The following DNAJC5B variants were observed in gnomAD, a reference collection of about 807,000 sequenced individuals.
DNAJC5B encodes DnaJ heat shock protein family (Hsp40) member C5 beta, also known as dnaJ homolog subfamily C member 5B.
In DNAJC5B, 23 loss-of-function variants were observed where a neutral mutation model predicts 24.7. That is an observed-to-expected ratio of 0.93 (90% CI 0.67 to 1.32). The LOEUF (loss-of-function observed/expected upper bound fraction) is 1.32, where lower values mean the gene tolerates loss of function less well. Among genes scored for constraint, DNAJC5B ranks in the 40% most tolerant of loss-of-function variants. The pLI, the probability that DNAJC5B is intolerant of heterozygous loss-of-function variation, is 0.00. For missense variants in DNAJC5B, 238 were observed against 240.8 expected (o/e 0.99, Z 0.08); for synonymous variants, 101 against 90.1 (o/e 1.12, Z -0.68).
intron 1 of DNAJC5B, among the ~76,000 whole-genome samples, chr8:66,038,313 C>T (rs1806533048): frequency 6.6e-6 from 1 of 152,144 alleles, no homozygotes; most frequent in African/African-American, 2.4e-5. Flanking sequence ...TAGGTGGTGT[C>T]ATTAATCTCA....
At chr8:66,048,314 T>C (rs10095225) in intron 2 of DNAJC5B, among the ~76,000 whole-genome samples, 152,210 of 152,302 alleles carry the variant, frequency 1, 76,059 homozygotes, top group Middle Eastern at 1. Flanking sequence ...GGCCTGGGGT[T>C]GGGGGAAAGG....
intron 3 of DNAJC5B, among the ~76,000 whole-genome samples, chr8:66,059,780 G>C (rs1001427763): frequency 2.3e-4 from 35 of 152,204 alleles, no homozygotes; most frequent in Admixed American, 2.3e-3. Context: ...GCCATTTGCT[G>C]TGTGGGCATG....
At chr8:66,091,160 A>T (rs1807838646) in intron 5 of DNAJC5B, among the ~76,000 whole-genome samples, 1 of 152,212 alleles carries the variant, frequency 6.6e-6, no homozygotes, top group Non-Finnish European at 1.5e-5. Flanking sequence ...GCCAGGGGCT[A>T]GAGGAAATGA....
At chr8:66,058,996 C>T (rs1807025727) in intron 3 of DNAJC5B, among the ~76,000 whole-genome samples, 1 of 152,154 alleles carries the variant, frequency 6.6e-6, no homozygotes, top group Non-Finnish European at 1.5e-5. Context: ...TAAAATTATC[C>T]TGCCCTTTGG....
intron 3 of DNAJC5B, among the ~76,000 whole-genome samples, chr8:66,065,642 G>A (rs921681690): frequency 1.3e-5 from 2 of 152,216 alleles, no homozygotes; most frequent in African/African-American, 4.8e-5. Context: ...GTAGGGGGCT[G>A]TAGGGTTGAA....
Position 66,100,570 on chromosome 8 carries a change from G to T in DNAJC5B, c.*539G>T, listed in dbSNP as rs1808054014. The T allele has an allele frequency of 6.6e-6, 1 of 151,942 alleles. No individual in the cohort carries two copies. The highest frequency in any genetic ancestry group is 6.6e-5 in the Admixed American group (1 of 15,250). The allele number at this position is 151,942 out of a possible 1,614,324, so 9.4% of individuals were successfully genotyped here. ...ATCACATTTTTAAGGTATATTTTTGGAACATTAAAAATTGGCATTTACTGA... is the reference window on the plus strand; with the variant it reads ...ATCACATTTTTAAGGTATATTTTTGTAACATTAAAAATTGGCATTTACTGA... On this transcript the variant is annotated 3_prime_UTR_variant, in exon 6 of 6. Coordinates refer to ENST00000276570, the MANE Select transcript of DNAJC5B (RefSeq NM_033105.6).
chr8:66,073,227 T>C (rs376720328), intron 3 of DNAJC5B, among the ~76,000 whole-genome samples: 1 of 151,822 alleles, frequency 6.6e-6, no homozygotes, highest in African/African-American at 2.4e-5. Flanking sequence ...AACATAAAAA[T>C]AGAAAAAAAT....
chr8:66,031,475 G>T (rs1410473609), intron 1 of DNAJC5B, among the ~76,000 whole-genome samples: 1 of 152,242 alleles, frequency 6.6e-6, no homozygotes, highest in South Asian at 2.1e-4. Flanking sequence ...AGCACCTACT[G>T]TATTAGTCAG....
chr8:66,072,831 C>T (rs1807378683), intron 3 of DNAJC5B, among the ~76,000 whole-genome samples: 1 of 152,102 alleles, frequency 6.6e-6, no homozygotes. Context: ...CTGAGTTTAT[C>T]CCAGAAACAT....
intron 1 of DNAJC5B, among the ~76,000 whole-genome samples, chr8:66,039,145 GC>G (rs1268861043): frequency 6.6e-6 from 1 of 152,108 alleles, no homozygotes; most frequent in Non-Finnish European, 1.5e-5. Flanking sequence ...AGGGAATATA[GC>G]AGGCAGCAGT....
At position 66,063,332 on chromosome 8, in the gene DNAJC5B, T is replaced by C. The variant is rs1315729793; in HGVS notation, c.119+11666T>C. On this transcript the variant is annotated intron_variant, in intron 3 of 5. Coordinates refer to ENST00000276570, the MANE Select transcript of DNAJC5B (RefSeq NM_033105.6). ...CCCCAATCTGTGGTGCTTTTACCCA[T>C]CTTTATTAGCAATTACAGGTGAAAA... Among the ~76,000 whole-genome samples the C allele has an allele frequency of 2.6e-5, 4 of 152,212 alleles. No individual in the cohort carries two copies. The East Asian group carries it at 7.7e-4, about 29-fold the overall frequency.
At chr8:66,058,117 T>C (rs1344730627) in intron 3 of DNAJC5B, 3 of 152,240 alleles carry the variant, frequency 2.0e-5, no homozygotes, top group East Asian at 1.9e-4. Flanking sequence ...CTTAACAGTA[T>C]ATCTTAAAGA....
intron 3 of DNAJC5B, among the ~76,000 whole-genome samples, chr8:66,053,523 C>A (rs1039700683): frequency 6.6e-6 from 1 of 152,070 alleles, no homozygotes; most frequent in Non-Finnish European, 1.5e-5. Context: ...CATAATCCTA[C>A]CTCCAGTAAT....
At chr8:66,055,105 G>C (rs573007770) in intron 3 of DNAJC5B, among the ~76,000 whole-genome samples, 1 of 152,240 alleles carries the variant, frequency 6.6e-6, no homozygotes, top group South Asian at 2.1e-4. Flanking sequence ...ATGCTGAGTT[G>C]TTTGCAAGTT....
intron 3 of DNAJC5B, among the ~76,000 whole-genome samples, chr8:66,067,781 T>C (rs901108168): frequency 6.6e-6 from 1 of 152,174 alleles, no homozygotes; most frequent in African/African-American, 2.4e-5. Context: ...TGTGAAGCCA[T>C]CTTGGGAGCA....
In DNAJC5B at chr8:66,100,118, T is replaced by TTCACA; in HGVS notation, c.*87_*88insTCACA. On this transcript the variant is annotated 3_prime_UTR_variant, in exon 6 of 6. Coordinates refer to ENST00000276570, the MANE Select transcript of DNAJC5B (RefSeq NM_033105.6). ...GTAGGGGAGCGTGTGGGGCATAAAG[T>TTCACA]GCTGTGAACTTTTCCATCTTGTTGT... is the stretch of plus-strand genomic sequence containing the variant. 2 of 1,100,232 alleles carry TTCACA rather than the reference T, an allele frequency of 1.8e-6. No individual in the cohort carries two copies. The highest frequency in any genetic ancestry group is 2.6e-6 in the Non-Finnish European group (2 of 780,492). The allele number at this position is 1,100,232 out of a possible 1,614,324, so 68.2% of individuals were successfully genotyped here. A position where few individuals can be genotyped will look rare whatever the true frequency, so the allele number is the denominator to read the frequency against.
chr8:66,045,664 A>G (rs1475217951), intron 2 of DNAJC5B, among the ~76,000 whole-genome samples: 1 of 152,096 alleles, frequency 6.6e-6, no homozygotes, highest in Non-Finnish European at 1.5e-5. Context: ...GTTCTCTGGA[A>G]GGGGCTGGGA....
chr8:66,031,712 G>T (rs1806364436), intron 1 of DNAJC5B, among the ~76,000 whole-genome samples: 1 of 152,186 alleles, frequency 6.6e-6, no homozygotes, highest in Non-Finnish European at 1.5e-5. Flanking sequence ...AGTAAGGCAG[G>T]AGGGTCAATC....
At chr8:66,015,829 G>A in the DNAJC5B span, among the ~76,000 whole-genome samples, 1 of 152,134 alleles carries the variant, frequency 6.6e-6, no homozygotes, top group Non-Finnish European at 1.5e-5. Flanking sequence ...GAGGAGATGA[G>A]GCTCACCACT....
Sources: gnomAD v4.1 joint callset for allele counts (sites outside exome capture counted in the v4.1 genomes callset) on GRCh38, gnomAD v4.1.1 for gene constraint, MANE v1.5 for transcripts, NCBI Gene and HGNC (gene_info 2026-07-23, HGNC 2026-07-21) for gene names.